The following SERPINA5 variants were observed in gnomAD, a reference collection of about 807,000 sequenced individuals.
SERPINA5 encodes the protein serpin family A member 5.
In SERPINA5, 25 loss-of-function variants were observed where a neutral mutation model predicts 25.3. The observed-to-expected ratio is 0.99, with a 90% CI of 0.72 to 1.38. SERPINA5 has a LOEUF of 1.38. SERPINA5 is among the 40% of genes most tolerant of loss of function. SERPINA5 has a pLI of 0.00. For missense variants in SERPINA5, 599 were observed against 509.5 expected (o/e 1.18, Z -1.69); for synonymous variants, 234 against 206.2 (o/e 1.14, Z -1.16).
intron 2 of SERPINA5, chr14:94,586,905 C>G (rs1444961222): frequency 2.5e-5 from 4 of 160,070 alleles, no homozygotes; most frequent in Admixed American, 2.5e-4. Flanking sequence ...CATAGAAGGA[C>G]CACAGCGCCC....
chr14:94,584,470 C>G (rs983215238), intron 2 of SERPINA5, among the ~76,000 whole-genome samples: 1 of 152,020 alleles, frequency 6.6e-6, no homozygotes, highest in African/African-American at 2.4e-5. Flanking sequence ...GAACCTGGGG[C>G]CCTCTCCAAA....
At chr14:94,583,732 G>A (rs1426858486) in intron 2 of SERPINA5, among the ~76,000 whole-genome samples, 1 of 152,124 alleles carries the variant, frequency 6.6e-6, no homozygotes, top group Non-Finnish European at 1.5e-5. Context: ...ATTCACCTTG[G>A]CCTGAGATGA....
intron 3 of SERPINA5, among the ~76,000 whole-genome samples, chr14:94,589,834 A>C (rs1885216834): frequency 6.6e-6 from 1 of 152,182 alleles, no homozygotes; most frequent in African/African-American, 2.4e-5. Flanking sequence ...GTGGAAGGAA[A>C]AGTCCCACGA....
intron 2 of SERPINA5, among the ~76,000 whole-genome samples, chr14:94,585,842 G>A (rs973128392): frequency 3.3e-5 from 5 of 151,816 alleles, no homozygotes; most frequent in African/African-American, 1.2e-4. Context: ...GAATATGGAG[G>A]CCTCAGATGG....
rs138759608 is a variant in SERPINA5, at chr14:94,587,436, G to C, written c.74G>C (p.Arg25Pro). The C allele has an allele frequency of 6.2e-7, 1 of 1,614,012 alleles. No homozygotes were observed. Among genetic ancestry groups the C allele is most frequent in the African/African-American group, 1.3e-5 (1 of 74,914 alleles). The change falls in exon 3 of 6, where the codon CGG (arginine) becomes CCG (proline). Residue 25 changes from arginine (R) to proline (P), a missense_variant. Transcript: ENST00000329597. ...GCCTCCCTTCACCGCCACCACCCCC[G>C]GGAGATGAAGAAGAGAGTCGAGGAC... ...QGASLHRHHP[R>P]EMKKRVEDLH...
intron 2 of SERPINA5, among the ~76,000 whole-genome samples, chr14:94,585,872 C>A (rs1885065205): frequency 6.6e-6 from 1 of 151,974 alleles, no homozygotes; most frequent in Admixed American, 6.6e-5. Context: ...CAGAAACTGC[C>A]ATGCCTACTG....
In SERPINA5 at chr14:94,590,144, G is replaced by T. The variant is rs374829634; in HGVS notation, c.723G>T (p.Gln241His). ...VRVPMMSRED[Q>H]YHYLLDRNLS... Reference sequence around the variant, plus strand: ...TACCCATGATGAGCCGCGAGGATCAGTATCACTACCTCCTGGACCGGAACC... The same window carrying T: ...TACCCATGATGAGCCGCGAGGATCATTATCACTACCTCCTGGACCGGAACC... Residue 241 changes from glutamine to histidine, a missense_variant, in exon 4 of 6, where the codon CAG (glutamine) becomes CAT (histidine). Transcript: ENST00000329597. 1 of 1,614,194 alleles carries T rather than the reference G, an allele frequency of 6.2e-7. No individual in the cohort carries two copies. Among genetic ancestry groups the T allele is most frequent in the African/African-American group, 1.3e-5 (1 of 75,058 alleles).
rs750470608 is a variant in SERPINA5, at chr14:94,592,243, G to A, written c.*4G>A. ...TGGCAAAGTGAACCGCCCCTGAGGTGGGGCTTCTCCTGAAATCTACAGGCC... is the reference window on the plus strand; with the variant it reads ...TGGCAAAGTGAACCGCCCCTGAGGTAGGGCTTCTCCTGAAATCTACAGGCC... On this transcript the variant is annotated 3_prime_UTR_variant, in exon 6 of 6. Coordinates refer to ENST00000329597, the MANE Select transcript of SERPINA5 (RefSeq NM_000624.6). 7 of 1,609,506 alleles carry A rather than the reference G, an allele frequency of 4.3e-6. No individual in the cohort carries two copies. The highest frequency in any genetic ancestry group is 1.7e-5 in the Admixed American group (1 of 59,762).
intron 2 of SERPINA5, among the ~76,000 whole-genome samples, chr14:94,582,876 G>T (rs1026178156): frequency 9.2e-5 from 14 of 152,344 alleles, no homozygotes; most frequent in Non-Finnish European, 1.8e-4. Flanking sequence ...AGGGGAAAAG[G>T]TCCAGTGTGA....
rs1885234323 is a variant in SERPINA5 at position 94,590,228 on chromosome 14, C to A, written c.807C>A (p.Leu269=). ...GCAATGCCACGGCTTTGTTCATTCT[C>A]CCCAGTGAGGGAAAGATGCAGCAGG... is the stretch of plus-strand genomic sequence containing the variant. ...YQGNATALFI[L]PSEGKMQQVE... Residue 269 remains leucine, a synonymous_variant, in exon 4 of 6, where the codon CTC becomes CTA. Coordinates refer to ENST00000329597, the MANE Select transcript of SERPINA5 (RefSeq NM_000624.6). 6.2e-7 allele frequency: 1 copy of A among 1,613,990 alleles called. No homozygotes were observed. Among genetic ancestry groups the A allele is most frequent in the Non-Finnish European group, 8.5e-7 (1 of 1,179,892 alleles).
Position 94,590,097 on chromosome 14 carries a change from A to G in SERPINA5, c.676A>G (p.Thr226Ala), listed in dbSNP as rs1338628076. ...CACCCAAGAGCAAGACTTCTACGTG[A>G]CCTCGGAGACTGTGGTGCGGGTACC... ...KGTQEQDFYV[T>A]SETVVRVPMM... Residue 226 changes from threonine (T) to alanine (A), a missense_variant, in exon 4 of 6, where the codon ACC (threonine) becomes GCC (alanine). By Grantham distance (58) the Thr-to-Ala change is moderately conservative. Transcript: ENST00000329597. The G allele has an allele frequency of 6.2e-7, 1 of 1,612,928 alleles. No individual in the cohort carries two copies. The highest frequency in any genetic ancestry group is 1.7e-5 in the Admixed American group (1 of 59,968).
chr14:94,586,221 G>A (rs904608861), intron 2 of SERPINA5, among the ~76,000 whole-genome samples: 2 of 152,182 alleles, frequency 1.3e-5, no homozygotes, highest in African/African-American at 4.8e-5. Context: ...TCCCTGAGAA[G>A]AGCTAGAGAC....
chr14:94,587,791 C>T lies in SERPINA5; in HGVS notation c.429C>T (p.Asp143=). The change falls in exon 3 of 6, where the codon GAC becomes GAT. Residue 143 remains aspartate (D), a synonymous_variant. Transcript: ENST00000329597. ...CCGACCTGGTGGTAGACCTGCAGGA[C>T]ACCTTCGTAAGTGCCATGAAGACGC... ...LFTDLVVDLQ[D]TFVSAMKTLY... is the part of the protein sequence containing the mutation. 1 of 1,614,200 alleles carries T rather than the reference C, an allele frequency of 6.2e-7. No homozygotes were observed.
At chr14:94,583,447 T>C (rs1595075774) in intron 2 of SERPINA5, among the ~76,000 whole-genome samples, 2 of 152,182 alleles carry the variant, frequency 1.3e-5, no homozygotes, top group East Asian at 1.9e-4. Flanking sequence ...GGAAGTTCTG[T>C]TCCTGGGTCT....
rs371793584 is a variant in SERPINA5 at position 94,587,947 on chromosome 14, G to T, written c.585G>T (p.Ala195=). 3 of 1,614,162 alleles carry T rather than the reference G, an allele frequency of 1.9e-6. No individual in the cohort carries two copies. The highest frequency in any genetic ancestry group is 2.2e-5 in the South Asian group (2 of 91,076). Residue 195 remains alanine (A), a synonymous_variant, in exon 3 of 6, where the codon GCG becomes GCT. Transcript: ENST00000329597. The part of the protein sequence containing the change: ...VDLLKNLDSN[A]VVIMVNYIFF... ...TGCTTAAGAACCTCGATAGCAATGC[G>T]GTCGTGATCATGGTGAATTACATCT... is the stretch of plus-strand genomic sequence containing the variant.
Position 94,590,322 on chromosome 14 carries a change from A to T in SERPINA5, c.890+11A>T. The T allele has an allele frequency of 6.3e-7, 1 of 1,579,496 alleles. No individual in the cohort carries two copies. The highest frequency in any genetic ancestry group is 8.6e-7 in the Non-Finnish European group (1 of 1,159,980). Reference sequence around the variant, plus strand: ...GATGTTCAAAAAGAGGTACTTTCAGACTACCCCAGGGCCAGCCTAAACCCA... The same window carrying T: ...GATGTTCAAAAAGAGGTACTTTCAGTCTACCCCAGGGCCAGCCTAAACCCA... On this transcript the variant is annotated intron_variant, in intron 4 of 5. Coordinates refer to ENST00000329597, the MANE Select transcript of SERPINA5 (RefSeq NM_000624.6).
At position 94,587,585 on chromosome 14, in the gene SERPINA5, A is replaced by G. The variant is rs111353593; in HGVS notation, c.223A>G (p.Ser75Gly). 6.8e-6 allele frequency: 11 copies of G among 1,613,910 alleles called. No homozygotes were observed. In the African/African-American group the frequency reaches 1.5e-4, roughly 22 times the overall value. ...IFFSPVSISM[S>G]LAMLSLGAGS... is the part of the protein sequence containing the mutation. ...CTTCTCCCCTGTGAGCATCTCCATG[A>G]GCCTGGCCATGCTCTCCCTGGGGGC... The change falls in exon 3 of 6, where the codon AGC becomes GGC. Residue 75 changes from serine to glycine, a missense_variant. Coordinates refer to ENST00000329597, the MANE Select transcript of SERPINA5 (RefSeq NM_000624.6).
At chr14:94,583,537 A>C (rs569600041) in intron 2 of SERPINA5, among the ~76,000 whole-genome samples, 3 of 152,286 alleles carry the variant, frequency 2.0e-5, no homozygotes, top group South Asian at 2.1e-4. Context: ...TGTAATTAGA[A>C]GATATTGGAC....
rs187338994 is a variant in SERPINA5, at chr14:94,588,260, A to G, written c.619+279A>G. Reference sequence around the variant, plus strand: ...GGGACATCTGAAGCCCCAGCTTTCTACAGGCTCTGAAGTATGAACCCATTG... The same window carrying G: ...GGGACATCTGAAGCCCCAGCTTTCTGCAGGCTCTGAAGTATGAACCCATTG... On this transcript the variant is annotated intron_variant, in intron 3 of 5. Transcript: ENST00000329597. Among the ~76,000 whole-genome samples the G allele has an allele frequency of 3.0e-3, 456 of 152,244 alleles. 9 individuals carry two copies. In the South Asian group the frequency reaches 0.047, roughly 16 times the overall value.
Sources: allele counts gnomAD v4.1 joint callset (sites outside exome capture counted in the v4.1 genomes callset), GRCh38; gene constraint gnomAD v4.1.1; transcripts MANE v1.5; gene names NCBI Gene and HGNC (gene_info 2026-07-23, HGNC 2026-07-21).